NADSYN1: variants seen among roughly 807,000 people sequenced by gnomAD.
NADSYN1 encodes NAD synthetase 1, also known as glutamine-dependent NAD(+) synthetase.
Under a neutral mutation model 99.3 loss-of-function variants are expected in NADSYN1, and 80 were observed. The observed-to-expected ratio is 0.81, with a 90% CI of 0.67 to 0.97. The LOEUF is 0.97. NADSYN1 is among the 50% of genes least tolerant of loss of function. The probability of loss-of-function intolerance (pLI) is 0.00; values close to 1 mark genes in which losing one functional copy is unlikely to be tolerated. For synonymous variants in NADSYN1, 385 were observed against 372.1 expected (o/e 1.03, Z -0.40); for missense variants, 859 against 948.5 (o/e 0.91, Z 1.24).
intron 9 of NADSYN1, chr11:71,475,339 AGCG>A (rs1949658015): frequency 6.5e-6 from 1 of 152,840 alleles, no homozygotes; most frequent in Non-Finnish European, 1.5e-5. Flanking sequence ...CTGAGCACAC[AGCG>A]GCCAGCTGCG....
At chr11:71,465,171 G>C (rs1020440524) in intron 5 of NADSYN1, among the ~76,000 whole-genome samples, 1 of 152,138 alleles carries the variant, frequency 6.6e-6, no homozygotes, top group Admixed American at 6.6e-5. Context: ...TGTGCTGGAG[G>C]GGGCTACATT....
chr11:71,460,508 A>T (rs1949544122), intron 3 of NADSYN1, among the ~76,000 whole-genome samples: 1 of 151,914 alleles, frequency 6.6e-6, no homozygotes, highest in Non-Finnish European at 1.5e-5. Context: ...ACACCAGTAC[A>T]CCTGGCTAAT....
intron 11 of NADSYN1, 85 bp from the exon 12 acceptor site, chr11:71,481,271 C>T: frequency 7.1e-7 from 1 of 1,401,656 alleles, no homozygotes; most frequent in Non-Finnish European, 1.0e-6. Context: ...GGCACTGCAG[C>T]CTCCTGGGGC....
rs190065548 is a variant in NADSYN1, at chr11:71,467,480, A to G, written c.407+3338A>G. Among the ~76,000 whole-genome samples, 511 of 152,358 alleles carry G rather than the reference A, an allele frequency of 3.4e-3. 1 individual carries two copies. Among genetic ancestry groups the G allele is most frequent in the African/African-American group, 0.012 (494 of 41,580 alleles). ...CAGTAGACGCAGATGTGAAAGCTCA[A>G]CACAGAATAGAAGATAAGTGTTCCT... On this transcript the variant is annotated intron_variant, in intron 5 of 20. Coordinates refer to ENST00000319023, the MANE Select transcript of NADSYN1 (RefSeq NM_018161.5).
Position 71,501,574 on chromosome 11 carries a change from C to T in NADSYN1, c.*222C>T, listed in dbSNP as rs942057792. ...TCCAATGCACATGATTTTGACCTCCCGCCAGCGTGCGCTTCCCCGCGAAGT... is the reference window on the plus strand; with the variant it reads ...TCCAATGCACATGATTTTGACCTCCTGCCAGCGTGCGCTTCCCCGCGAAGT... On this transcript the variant is annotated 3_prime_UTR_variant, in exon 21 of 21. Coordinates refer to ENST00000319023, the MANE Select transcript of NADSYN1 (RefSeq NM_018161.5). 10 of 541,770 alleles carry T rather than the reference C, an allele frequency of 1.8e-5. No individual in the cohort carries two copies. The highest frequency in any genetic ancestry group is 7.0e-5 in the Admixed American group (2 of 28,666). 33.6% of individuals were successfully genotyped at this position (541,770 alleles called of 1,614,324 possible).
intron 16 of NADSYN1, among the ~76,000 whole-genome samples, chr11:71,486,145 T>C (rs935620553): frequency 6.6e-6 from 1 of 152,226 alleles, no homozygotes; most frequent in Non-Finnish European, 1.5e-5. Flanking sequence ...TAGAAATTCT[T>C]TTCCAGCCTT....
At position 71,473,344 on chromosome 11, in the gene NADSYN1, G is replaced by A; in HGVS notation, c.526G>A (p.Glu176Lys). ...CACCTGCATTGGAAGTGAGATCTGT[G>A]AGGAGCTCTGGACACCCCACAGGTC... ...WDTCIGSEIC[E>K]ELWTPHSPHI... is the part of the protein sequence containing the mutation. The change falls in exon 7 of 21, where the codon GAG (glutamate) becomes AAG (lysine). Residue 176 changes from glutamate to lysine, a missense_variant. Physicochemically the swap from Glu to Lys is moderately conservative, Grantham distance 56 (BLOSUM62 1). Transcript: ENST00000319023. 6.2e-7 allele frequency: 1 copy of A among 1,614,192 alleles called. No individual in the cohort carries two copies. The highest frequency in any genetic ancestry group is 8.5e-7 in the Non-Finnish European group (1 of 1,180,036).
At chr11:71,488,071 G>A (rs533122758) in intron 16 of NADSYN1, among the ~76,000 whole-genome samples, 11 of 152,188 alleles carry the variant, frequency 7.2e-5, no homozygotes, top group African/African-American at 2.4e-4. Flanking sequence ...CAAATGTGTA[G>A]TGTTGATTTT....
At chr11:71,483,098 T>C (rs1324999924) in intron 14 of NADSYN1, 81 bp downstream of exon 14, 33 of 1,525,662 alleles carry the variant, frequency 2.2e-5, no homozygotes, top group Non-Finnish European at 3.0e-5. Context: ...GTGAGTGCAT[T>C]GGTGACTGGC....
intron 18 of NADSYN1, 72 bp from the exon 19 acceptor site, chr11:71,497,411 C>A: frequency 6.2e-7 from 1 of 1,600,666 alleles, no homozygotes; most frequent in Non-Finnish European, 8.5e-7. Flanking sequence ...GTTCCCATCT[C>A]CAAAAGAAGC....
intron 16 of NADSYN1, among the ~76,000 whole-genome samples, 191 bp from the exon 17 acceptor site, chr11:71,490,654 A>C (rs1354253344): frequency 1.3e-5 from 2 of 151,978 alleles, no homozygotes; most frequent in East Asian, 3.9e-4. Context: ...CCTCTGGTGC[A>C]CTCAAAGGCC....
Position 71,482,974 on chromosome 11 carries a change from G to A in NADSYN1, c.1276G>A (p.Glu426Lys). 1.2e-6 allele frequency: 2 copies of A among 1,612,818 alleles called. No individual in the cohort carries two copies. Reference protein sequence around the residue: ...CYMASKNSSQETCTRARELAQ... With the variant: ...CYMASKNSSQKTCTRARELAQ... Reference sequence around the variant, plus strand: ...CATGGCCAGCAAGAACTCCTCCCAGGAGACGTGCACCCGGGCCAGAGAGTT... The same window carrying A: ...CATGGCCAGCAAGAACTCCTCCCAGAAGACGTGCACCCGGGCCAGAGAGTT... The change falls in exon 14 of 21, where the codon GAG becomes AAG. Residue 426 changes from glutamate (E) to lysine (K), a missense_variant. By Grantham distance (56) the Glu-to-Lys change is moderately conservative. Coordinates refer to ENST00000319023, the MANE Select transcript of NADSYN1 (RefSeq NM_018161.5).
rs1949641224 is a variant in NADSYN1 at position 71,473,320 on chromosome 11, A to T, written c.502A>T (p.Thr168Ser). 1 of 1,614,078 alleles carries T rather than the reference A, an allele frequency of 6.2e-7. No homozygotes were observed. Among genetic ancestry groups the T allele is most frequent in the African/African-American group, 1.3e-5 (1 of 74,946 alleles). Residue 168 changes from threonine to serine, a missense_variant, in exon 7 of 21, where the codon ACC becomes TCC. Physicochemically the swap from Thr to Ser is moderately conservative, Grantham distance 58 (BLOSUM62 1). Transcript: ENST00000319023. Reference protein sequence around the residue: ...FGDAVLVTWDTCIGSEICEEL... With the variant: ...FGDAVLVTWDSCIGSEICEEL... ...AGATGCGGTGCTGGTGACATGGGAC[A>T]CCTGCATTGGAAGTGAGATCTGTGA...
At chr11:71,454,081 A>C (rs1591118999) in intron 1 of NADSYN1, among the ~76,000 whole-genome samples, 1 of 152,352 alleles carries the variant, frequency 6.6e-6, no homozygotes, top group African/African-American at 2.4e-5. Flanking sequence ...CTAAATGGGC[A>C]AGCCTGCAGG....
At chr11:71,476,743 T>G (rs1251513596) in intron 9 of NADSYN1, 1 of 985,778 alleles carries the variant, frequency 1.0e-6, no homozygotes, top group Non-Finnish European at 1.2e-6. Context: ...CACAGGCACA[T>G]TGGTGGTCGT....
At chr11:71,477,149 C>A in intron 9 of NADSYN1, 1 of 1,140,198 alleles carries the variant, frequency 8.8e-7, no homozygotes, top group Non-Finnish European at 1.1e-6. Flanking sequence ...CCGTCGGGCC[C>A]GCGTTTCTCA....
rs1949504515 is a variant in NADSYN1, at chr11:71,455,131, G to A, written c.107G>A (p.Arg36Lys). The change falls in exon 2 of 21, where the codon AGA becomes AAA. Residue 36 changes from arginine (R) to lysine (K), a missense_variant. Physicochemically the swap from Arg to Lys is conservative, Grantham distance 26. Coordinates refer to ENST00000319023, the MANE Select transcript of NADSYN1 (RefSeq NM_018161.5). The part of the protein sequence containing the change: ...ILKSIEIAKN[R>K]GARYRLGPEL... ...ACAGGTATTGAAATTGCCAAAAACA[G>A]AGGAGCAAGATACAGGCTTGGACCA... 1.9e-6 allele frequency: 3 copies of A among 1,613,952 alleles called. No homozygotes were observed. The highest frequency in any genetic ancestry group is 1.7e-5 in the Admixed American group (1 of 59,992).
At chr11:71,489,636 G>T (rs1029899272) in intron 16 of NADSYN1, among the ~76,000 whole-genome samples, 1 of 152,252 alleles carries the variant, frequency 6.6e-6, no homozygotes, top group Non-Finnish European at 1.5e-5. Flanking sequence ...GACGGGACAG[G>T]ACAGGGAGCG....
chr11:71,471,329 A>G (rs892714641), intron 5 of NADSYN1, among the ~76,000 whole-genome samples: 4 of 152,250 alleles, frequency 2.6e-5, no homozygotes, highest in African/African-American at 7.2e-5. Flanking sequence ...AGAAATGGTC[A>G]TGTTCAGCAT....
Sources: gnomAD v4.1 joint callset for allele counts (sites outside exome capture counted in the v4.1 genomes callset) on GRCh38, gnomAD v4.1.1 for gene constraint, MANE v1.5 for transcripts, NCBI Gene and HGNC (gene_info 2026-07-23, HGNC 2026-07-21) for gene names.